PTPRG: variants seen among roughly 807,000 people sequenced by gnomAD.
The protein encoded by PTPRG is receptor-type tyrosine-protein phosphatase gamma.
In PTPRG, 102 loss-of-function variants were observed where a neutral mutation model predicts 165.3. The observed-to-expected ratio is 0.62, with a 90% CI of 0.53 to 0.73. The LOEUF (loss-of-function observed/expected upper bound fraction) is 0.73, where lower values mean the gene tolerates loss of function less well. PTPRG is among the 30% of genes least tolerant of loss of function. PTPRG has a pLI of 0.00. For missense variants in PTPRG, 1,866 were observed against 1,861.4 expected, an observed-to-expected ratio of 1.00 and a Z score of -0.05; for synonymous variants, 675 against 669.5, an observed-to-expected ratio of 1.01 and a Z score of -0.13.
At chr3:61,753,623 C>G in intron 2 of PTPRG, 1 of 379,060 alleles carries the variant, frequency 2.6e-6, no homozygotes, top group African/African-American at 2.6e-5. Context: ...CTTGCTCTTT[C>G]ACCCAGGCTG....
chr3:61,821,867 C>A lies in PTPRG; in HGVS notation c.190+72885C>A, dbSNP rs1276078174. Among the ~76,000 whole-genome samples, 3 of 152,316 alleles carry A rather than the reference C, an allele frequency of 2.0e-5. No homozygotes were observed. In the East Asian group the frequency reaches 5.8e-4, roughly 29 times the overall value. On this transcript the variant is annotated intron_variant, in intron 2 of 29. Coordinates refer to ENST00000474889, the MANE Select transcript of PTPRG (RefSeq NM_002841.4). ...TATGTGGTAGTCACAGTTATTTTCTCCATTTTACAGATGAGTAAACAGAGC... is the reference window on the plus strand; with the variant it reads ...TATGTGGTAGTCACAGTTATTTTCTACATTTTACAGATGAGTAAACAGAGC...
intron 1 of PTPRG, among the ~76,000 whole-genome samples, chr3:61,626,985 T>C (rs2106917191): frequency 6.6e-6 from 1 of 152,306 alleles, no homozygotes; most frequent in African/African-American, 2.4e-5. Flanking sequence ...ATCCAATTTA[T>C]GTATGGAATG....
chr3:61,614,418 C>CTTTTT (rs550755163), intron 1 of PTPRG, among the ~76,000 whole-genome samples: 65,384 of 117,350 alleles, frequency 0.56, 21,173 homozygotes, highest in South Asian at 0.77. Flanking sequence ...TTAATAATAC[C>CTTTTT]TTTTTTTTTT....
At chr3:62,142,646 C>T (rs1050037882) in intron 6 of PTPRG, among the ~76,000 whole-genome samples, 2 of 152,130 alleles carry the variant, frequency 1.3e-5, no homozygotes, top group Admixed American at 6.6e-5. Context: ...CCATAACTAC[C>T]CCTGACAGGC....
intron 2 of PTPRG, among the ~76,000 whole-genome samples, chr3:61,985,635 G>T (rs914256078): frequency 7.3e-4 from 111 of 152,238 alleles, no homozygotes; most frequent in African/African-American, 2.6e-3. Flanking sequence ...CCATTTCTCA[G>T]CCCTGTCTAG....
intron 4 of PTPRG, among the ~76,000 whole-genome samples, chr3:62,041,694 TGCAA>T (rs2107803426): frequency 6.6e-6 from 1 of 152,282 alleles, no homozygotes; most frequent in South Asian, 2.1e-4. Context: ...CATTTCCACC[TGCAA>T]AATCTTCTAT....
chr3:61,832,862 C>A (rs1279181967), intron 2 of PTPRG, among the ~76,000 whole-genome samples: 4 of 152,258 alleles, frequency 2.6e-5, no homozygotes, highest in Admixed American at 6.5e-5. Context: ...TCTTCCCACC[C>A]TTTCCCCGCT....
chr3:61,701,811 C>A (rs1351002579), intron 1 of PTPRG, among the ~76,000 whole-genome samples: 1 of 151,952 alleles, frequency 6.6e-6, no homozygotes, highest in Non-Finnish European at 1.5e-5. Flanking sequence ...GTGGGAGGAT[C>A]AGTTGAGCCC....
intron 14 of PTPRG, among the ~76,000 whole-genome samples, chr3:62,234,387 G>A (rs1303601494): frequency 6.6e-6 from 1 of 152,158 alleles, no homozygotes; most frequent in African/African-American, 2.4e-5. Flanking sequence ...ACATGCTATT[G>A]TGCATGTATG....
At chr3:61,568,774 G>A (rs1051266097) in intron 1 of PTPRG, among the ~76,000 whole-genome samples, 5 of 152,058 alleles carry the variant, frequency 3.3e-5, no homozygotes, top group African/African-American at 9.7e-5. Context: ...TGGGCATGGT[G>A]GTGCACACCT....
At chr3:61,919,478 C>A (rs956965566) in intron 2 of PTPRG, among the ~76,000 whole-genome samples, 10 of 152,150 alleles carry the variant, frequency 6.6e-5, no homozygotes, top group African/African-American at 1.2e-4. Context: ...GTCTAAACAG[C>A]TTTGTGCCTC....
intron 5 of PTPRG, among the ~76,000 whole-genome samples, chr3:62,101,892 G>A (rs973845709): frequency 7.2e-5 from 11 of 152,144 alleles, no homozygotes; most frequent in East Asian, 1.9e-4. Context: ...CCATTTTGCC[G>A]TACACAAATA....
rs557562122 is a variant in PTPRG, at chr3:61,700,479, T to G, written c.86-48399T>G. On this transcript the variant is annotated intron_variant, in intron 1 of 29. Coordinates refer to ENST00000474889, the MANE Select transcript of PTPRG (RefSeq NM_002841.4). ...CCTTTTCTTTATATTTAGCTTAACT[T>G]TAAAGGAAATTTATAACTAAATTGG... Among the ~76,000 whole-genome samples the G allele has an allele frequency of 3.0e-4, 45 of 152,322 alleles. No homozygotes were observed. In the East Asian group the frequency reaches 7.1e-3, roughly 24 times the overall value.
At chr3:61,742,761 C>G in intron 1 of PTPRG, 2 of 1,611,718 alleles carry the variant, frequency 1.2e-6, no homozygotes, top group South Asian at 1.1e-5. Context: ...TCTGCTTGAT[C>G]AGAGACTCTG....
Position 61,822,699 on chromosome 3 carries a change from A to G in PTPRG, c.190+73717A>G, listed in dbSNP as rs149908174. Among the ~76,000 whole-genome samples the G allele has an allele frequency of 8.7e-4, 133 of 152,320 alleles. 1 individual carries two copies. Among genetic ancestry groups the G allele is most frequent in the African/African-American group, 2.8e-3 (115 of 41,566 alleles). On this transcript the variant is annotated intron_variant, in intron 2 of 29. Coordinates refer to ENST00000474889, the MANE Select transcript of PTPRG (RefSeq NM_002841.4). ...AATTTAAGCAAGGAGGAATTTTCCA[A>G]TGTGAAGCTATTTTTACATGGCCAT...
intron 1 of PTPRG, among the ~76,000 whole-genome samples, chr3:61,634,701 C>G (rs966831954): frequency 2.6e-5 from 4 of 152,202 alleles, no homozygotes; most frequent in African/African-American, 9.6e-5. Flanking sequence ...TTCCCCTCTT[C>G]TCCTGTGAGG....
intron 7 of PTPRG, among the ~76,000 whole-genome samples, chr3:62,166,359 CAG>C (rs775866319): frequency 1.2e-3 from 184 of 151,192 alleles, no homozygotes; most frequent in Non-Finnish European, 1.9e-3. Flanking sequence ...TTTTTTGAGA[CAG>C]AGTCTCATTC....
intron 16 of PTPRG, among the ~76,000 whole-genome samples, chr3:62,261,482 T>A (rs1701695408): frequency 1.3e-5 from 2 of 152,176 alleles, no homozygotes; most frequent in African/African-American, 2.4e-5. Context: ...AACCATAGGT[T>A]ATAAACTATG....
chr3:61,853,433 A>G (rs2037020935), intron 2 of PTPRG, among the ~76,000 whole-genome samples: 1 of 152,184 alleles, frequency 6.6e-6, no homozygotes, highest in African/African-American at 2.4e-5. Context: ...GCTCACTCCA[A>G]TATCATTAGA....
Sources: gnomAD v4.1 joint callset for allele counts (sites outside exome capture counted in the v4.1 genomes callset) on GRCh38, gnomAD v4.1.1 for gene constraint, MANE v1.5 for transcripts, NCBI Gene and HGNC (gene_info 2026-07-23, HGNC 2026-07-21) for gene names.